The following ENPP3 variants were observed in gnomAD, a reference collection of about 807,000 sequenced individuals.
The protein encoded by ENPP3 is ectonucleotide pyrophosphatase/phosphodiesterase 3, also known as ectonucleotide pyrophosphatase/phosphodiesterase family member 3.
ENPP3 carries 104 observed loss-of-function variants against 117.8 expected under a neutral mutation model. The observed-to-expected ratio is 0.88, with a 90% CI of 0.75 to 1.04. The LOEUF (loss-of-function observed/expected upper bound fraction) is 1.04, where lower values mean the gene tolerates loss of function less well. ENPP3 is among the 50% of genes least tolerant of loss of function. The probability of loss-of-function intolerance (pLI) is 0.00; values close to 1 mark genes in which losing one functional copy is unlikely to be tolerated. For synonymous variants in ENPP3, 380 were observed against 349.9 expected (o/e 1.09, Z -0.96); for missense variants, 1,026 against 1,051.9 (o/e 0.98, Z 0.34).
chr6:131,713,146 C>T (rs1467087976), intron 15 of ENPP3, among the ~76,000 whole-genome samples: 1 of 130,586 alleles, frequency 7.7e-6, no homozygotes, highest in Non-Finnish European at 1.5e-5. Context: ...CTGCACATGC[C>T]CTCTCTCTTG....
At chr6:131,668,172 T>G (rs1438892223) in intron 6 of ENPP3, among the ~76,000 whole-genome samples, 3 of 151,586 alleles carry the variant, frequency 2.0e-5, no homozygotes, top group Non-Finnish European at 4.4e-5. Flanking sequence ...AGGACTACAT[T>G]GTAGTTTTTT....
chr6:131,669,421 C>T (rs770704259), intron 6 of ENPP3, among the ~76,000 whole-genome samples: 10 of 151,848 alleles, frequency 6.6e-5, no homozygotes, highest in South Asian at 2.1e-4. Flanking sequence ...ATCTATAATC[C>T]CAGCACTTTG....
chr6:131,729,649 G>T (rs1240106750), intron 20 of ENPP3, among the ~76,000 whole-genome samples: 3 of 152,050 alleles, frequency 2.0e-5, no homozygotes, highest in Admixed American at 6.6e-5. Flanking sequence ...GTTGGAGGCG[G>T]GGTGGTGGTG....
chr6:131,645,496 C>CA, intron 2 of ENPP3, among the ~76,000 whole-genome samples: 1 of 152,276 alleles, frequency 6.6e-6, no homozygotes, highest in East Asian at 1.9e-4. Flanking sequence ...TCCATTAGCC[C>CA]ATCTATTGTG....
intron 1 of ENPP3, chr6:131,638,598 CT>C (rs1033730142): frequency 7.3e-5 from 27 of 371,966 alleles, no homozygotes; most frequent in East Asian, 1.6e-4. Flanking sequence ...TCTTTCTTTT[CT>C]TTTTTTTGTA....
In ENPP3 at chr6:131,673,781, C is replaced by A. The variant is rs370649055; in HGVS notation, c.643-381C>A. 6.6e-5 allele frequency among the ~76,000 whole-genome samples: 10 copies of A among 151,940 alleles called. No homozygotes were observed. In the South Asian group the frequency reaches 2.1e-3, roughly 32 times the overall value. ...TGCGTCTGTACTGAACATGTACAGA[C>A]TTTTTTTTGTCACTATTCCCTAAAC... On this transcript the variant is annotated intron_variant, in intron 7 of 24. Transcript: ENST00000357639.
chr6:131,650,401 T>G lies in ENPP3; in HGVS notation c.277+252T>G, dbSNP rs116572176. On this transcript the variant is annotated intron_variant, in intron 3 of 24. Transcript: ENST00000357639. ...CACCTGGCTAATTGTTTTTAATTTTTTTGTAGAGACAGAGTCTCACCATGT... is the reference window on the plus strand; with the variant it reads ...CACCTGGCTAATTGTTTTTAATTTTGTTGTAGAGACAGAGTCTCACCATGT... 7.7e-3 allele frequency among the ~76,000 whole-genome samples: 1,167 copies of G among 152,144 alleles called. 15 individuals carry two copies. The highest frequency in any genetic ancestry group is 0.026 in the African/African-American group (1,074 of 41,512).
intron 6 of ENPP3, among the ~76,000 whole-genome samples, chr6:131,664,203 G>A (rs1265407627): frequency 6.6e-6 from 1 of 152,126 alleles, no homozygotes. Flanking sequence ...CTTTCAGTAG[G>A]GCAAGAGGTG....
chr6:131,684,333 T>G (rs1267710537), intron 12 of ENPP3, among the ~76,000 whole-genome samples: 1 of 152,240 alleles, frequency 6.6e-6, no homozygotes, highest in Non-Finnish European at 1.5e-5. Flanking sequence ...TGTTTTAAAA[T>G]TAAATGGAAA....
At chr6:131,686,490 A>T (rs1779156730) in intron 14 of ENPP3, among the ~76,000 whole-genome samples, 1 of 152,130 alleles carries the variant, frequency 6.6e-6, no homozygotes, top group Non-Finnish European at 1.5e-5. Context: ...TTACCTTTAC[A>T]ATGTTTGCCT....
At position 131,685,839 on chromosome 6, in the gene ENPP3, A is replaced by G. The variant is rs914177626; in HGVS notation, c.1253-37A>G. 9 of 836,008 alleles carry G rather than the reference A, an allele frequency of 1.1e-5. No homozygotes were observed. In the East Asian group the frequency reaches 1.9e-4, roughly 18 times the overall value. 51.8% of individuals were successfully genotyped at this position (836,008 alleles called of 1,614,324 possible). A position where few individuals can be genotyped will look rare whatever the true frequency, so the allele number is the denominator to read the frequency against. On this transcript the variant is annotated intron_variant, in intron 13 of 24. Transcript: ENST00000357639. ...CATTCTTTGCATTTGTTCGTTATCAATTGTAATGTCATTTATTTCTTTTTC... is the reference window on the plus strand; with the variant it reads ...CATTCTTTGCATTTGTTCGTTATCAGTTGTAATGTCATTTATTTCTTTTTC...
rs186550782 is a variant in ENPP3 at position 131,660,394 on chromosome 6, C to T, written c.562+1974C>T. Among the ~76,000 whole-genome samples, 8 of 152,228 alleles carry T rather than the reference C, an allele frequency of 5.3e-5. No homozygotes were observed. The South Asian group carries it at 1.0e-3, about 20-fold the overall frequency. Reference sequence around the variant, plus strand: ...GTCATATTAGTGACTGTTAAGTGGACGAGGAAGTGGCTCTCTGAATCACAC... The same window carrying T: ...GTCATATTAGTGACTGTTAAGTGGATGAGGAAGTGGCTCTCTGAATCACAC... On this transcript the variant is annotated intron_variant, in intron 6 of 24. Coordinates refer to ENST00000357639, the MANE Select transcript of ENPP3 (RefSeq NM_005021.5).
chr6:131,746,600 T>C (rs1780640421), intron 24 of ENPP3, among the ~76,000 whole-genome samples, 186 bp from the exon 25 acceptor site: 1 of 151,994 alleles, frequency 6.6e-6, no homozygotes, highest in African/African-American at 2.4e-5. Flanking sequence ...TGTTCTATGT[T>C]AGTTATAGTA....
At chr6:131,646,309 T>TGTGTGTGTGTGTGTG (rs1489057441) in intron 2 of ENPP3, among the ~76,000 whole-genome samples, 2 of 150,342 alleles carry the variant, frequency 1.3e-5, no homozygotes, top group African/African-American at 5.0e-5. Context: ...TGTGTGTGTG[T>TGTGTGTGTGTGTGTG]TGTTATTTTA....
intron 15 of ENPP3, among the ~76,000 whole-genome samples, chr6:131,694,410 A>AT (rs1387634381): frequency 1.3e-5 from 2 of 152,204 alleles, no homozygotes; most frequent in Non-Finnish European, 2.9e-5. Context: ...GATAATTCCT[A>AT]TTTTTGTATT....
intron 20 of ENPP3, among the ~76,000 whole-genome samples, chr6:131,730,779 G>C (rs1047533341): frequency 6.6e-6 from 1 of 152,116 alleles, no homozygotes; most frequent in African/African-American, 2.4e-5. Context: ...GCTGGGCGTG[G>C]TGGCGCATGC....
Position 131,682,870 on chromosome 6 carries a change from G to C in ENPP3, c.1012-184G>C, listed in dbSNP as rs113691225. On this transcript the variant is annotated intron_variant, in intron 11 of 24. Coordinates refer to ENST00000357639, the MANE Select transcript of ENPP3 (RefSeq NM_005021.5). ...AGTATGATTTAGATTTTTGTTTATAGAAATTTAGGGAATTGGTATTTGATG... is the reference window on the plus strand; with the variant it reads ...AGTATGATTTAGATTTTTGTTTATACAAATTTAGGGAATTGGTATTTGATG... Among the ~76,000 whole-genome samples, 425 of 152,280 alleles carry C rather than the reference G, an allele frequency of 2.8e-3. 4 individuals are homozygous for C. Among genetic ancestry groups the C allele is most frequent in the African/African-American group, 9.9e-3 (410 of 41,560 alleles).
intron 5 of ENPP3, among the ~76,000 whole-genome samples, chr6:131,653,759 G>C (rs765045944): frequency 5.3e-5 from 8 of 152,086 alleles, no homozygotes; most frequent in Non-Finnish European, 1.0e-4. Flanking sequence ...TCTTCCTTTT[G>C]AGAGCAGGGA....
intron 24 of ENPP3, among the ~76,000 whole-genome samples, chr6:131,746,238 A>G (rs894408807): frequency 9.9e-5 from 15 of 152,212 alleles, no homozygotes; most frequent in African/African-American, 3.4e-4. Context: ...TATGTAACGC[A>G]AAATTTAATT....
Sources: allele counts gnomAD v4.1 joint callset (sites outside exome capture counted in the v4.1 genomes callset), GRCh38; gene constraint gnomAD v4.1.1; transcripts MANE v1.5; gene names NCBI Gene and HGNC (gene_info 2026-07-23, HGNC 2026-07-21).